CNOT1: variants seen among roughly 807,000 people sequenced by gnomAD.
The protein encoded by CNOT1 is CCR4-NOT transcription complex subunit 1.
A neutral mutation model predicts 273.8 loss-of-function variants in CNOT1; 15 were observed. The ratio of observed to expected loss-of-function variants is 0.05; its 90% CI spans 0.04 to 0.08. The LOEUF is 0.08. Ranked by LOEUF, CNOT1 falls within the 10% of genes least tolerant of loss-of-function variation. The pLI, the probability that CNOT1 is intolerant of heterozygous loss-of-function variation, is 1.00. For missense variants in CNOT1, 1,644 were observed against 2,912.2 expected, an observed-to-expected ratio of 0.56 and a Z score of 10.02; for synonymous variants, 1,022 against 1,005.5, an observed-to-expected ratio of 1.02 and a Z score of -0.31.
At chr16:58,600,337 A>T (rs1017585123) in intron 1 of CNOT1, among the ~76,000 whole-genome samples, 1 of 152,172 alleles carries the variant, frequency 6.6e-6, no homozygotes, top group Non-Finnish European at 1.5e-5. Flanking sequence ...GTCTCAAAAA[A>T]AGAAAATACT....
chr16:58,549,650 CT>C, intron 25 of CNOT1, 68 bp downstream of exon 25: 1 of 1,512,452 alleles, frequency 6.6e-7, no homozygotes, highest in Non-Finnish European at 8.8e-7. Context: ...AGCAAAAATC[CT>C]ACCTATATAA....
intron 43 of CNOT1, among the ~76,000 whole-genome samples, chr16:58,529,176 T>C (rs1398999261): frequency 1.3e-5 from 2 of 152,158 alleles, no homozygotes; most frequent in Non-Finnish European, 2.9e-5. Context: ...GACTTTATGC[T>C]CATAAATCTG....
At chr16:58,530,975 C>T (rs2039762618) in intron 42 of CNOT1, among the ~76,000 whole-genome samples, 1 of 152,062 alleles carries the variant, frequency 6.6e-6, no homozygotes, top group Admixed American at 6.5e-5. Flanking sequence ...GAACACAAAA[C>T]AGTCAACTGC....
chr16:58,580,723 A>G lies in CNOT1; in HGVS notation c.1253T>C (p.Ile418Thr). Residue 418 changes from isoleucine (I) to threonine (T), a missense_variant, in exon 12 of 49, where the codon ATC (isoleucine) becomes ACC (threonine). Physicochemically the swap from Ile to Thr is moderately conservative, Grantham distance 89. Transcript: ENST00000317147. ...FIQHSLINPEIFCFADYPCHT... is the reference protein window; with the variant it reads ...FIQHSLINPETFCFADYPCHT... ...ACAGGGATAGTCAGCAAAACAGAAG[A>G]TCTCTGGATTTATAAGGGAATGTTG... is the stretch of plus-strand genomic sequence containing the variant. The G allele has an allele frequency of 6.2e-7, 1 of 1,613,204 alleles. No individual in the cohort carries two copies. The highest frequency in any genetic ancestry group is 8.5e-7 in the Non-Finnish European group (1 of 1,179,522).
At chr16:58,523,257 A>C (rs1401525198) in intron 47 of CNOT1, 113 bp downstream of exon 47, 1 of 1,264,090 alleles carries the variant, frequency 7.9e-7, no homozygotes, top group African/African-American at 1.5e-5. Flanking sequence ...AAAAACAAAA[A>C]AAAAACCAAC....
intron 1 of CNOT1, among the ~76,000 whole-genome samples, chr16:58,617,684 T>C (rs1368353883): frequency 1.3e-5 from 2 of 152,150 alleles, no homozygotes; most frequent in African/African-American, 2.4e-5. Flanking sequence ...CCACCTTCTA[T>C]AGGATGGGCC....
intron 1 of CNOT1, among the ~76,000 whole-genome samples, chr16:58,610,981 G>A (rs2042878845): frequency 6.6e-6 from 1 of 152,138 alleles, no homozygotes; most frequent in African/African-American, 2.4e-5. Context: ...AGGTTGCAGT[G>A]AGCCGAGAGC....
intron 25 of CNOT1, chr16:58,548,362 C>A: frequency 4.9e-6 from 2 of 411,330 alleles, no homozygotes; most frequent in East Asian, 6.0e-5. Context: ...CCCATCTACT[C>A]TGTGGTACCT....
At chr16:58,545,017 TA>T (rs750008598) in intron 30 of CNOT1, among the ~76,000 whole-genome samples, 1 of 152,212 alleles carries the variant, frequency 6.6e-6, no homozygotes, top group Non-Finnish European at 1.5e-5. Context: ...TGCAGAAGGC[TA>T]AAGTGACAAG....
chr16:58,547,521 A>G lies in CNOT1; in HGVS notation c.3639+45T>C, dbSNP rs1219353271. On this transcript the variant is annotated intron_variant, in intron 26 of 48. Transcript: ENST00000317147. This position sits in a 1 kb window ranked among gnomAD's most constrained non-coding sequence, Gnocchi z 4.0. ...CAAACAGCCAATACTTGTAATCATA[A>G]TGTGCTGAAGATTCTCAATTTTTAC... 2.2e-5 allele frequency: 35 copies of G among 1,575,646 alleles called. No individual in the cohort carries two copies. Among genetic ancestry groups the G allele is most frequent in the Non-Finnish European group, 2.9e-5 (34 of 1,159,410 alleles).
chr16:58,583,758 CA>C (rs1019007776), intron 8 of CNOT1, among the ~76,000 whole-genome samples: 2 of 152,070 alleles, frequency 1.3e-5, no homozygotes, highest in African/African-American at 4.8e-5. Flanking sequence ...AGGCTGATCT[CA>C]AACTCCTGGC....
At chr16:58,558,757 T>A in intron 17 of CNOT1, 83 bp from the exon 18 acceptor site, 3 of 1,524,386 alleles carry the variant, frequency 2.0e-6, no homozygotes, top group Non-Finnish European at 2.6e-6. Flanking sequence ...ACAACAGCTC[T>A]TCATAATCTT....
chr16:58,605,801 A>G (rs957005486), intron 1 of CNOT1, among the ~76,000 whole-genome samples: 3 of 152,058 alleles, frequency 2.0e-5, no homozygotes, highest in African/African-American at 7.2e-5. Context: ...TAGGACTACA[A>G]GCGCCCGCTG....
At chr16:58,575,728 G>A (rs917669262) in intron 14 of CNOT1, among the ~76,000 whole-genome samples, 2 of 152,088 alleles carry the variant, frequency 1.3e-5, no homozygotes, top group African/African-American at 2.4e-5. Context: ...GAACCCGGGA[G>A]GCAGAGATTG....
intron 20 of CNOT1, 105 bp from the exon 21 acceptor site, chr16:58,555,642 A>G: frequency 6.5e-7 from 1 of 1,537,838 alleles, no homozygotes; most frequent in Non-Finnish European, 8.7e-7. Context: ...ATTTACCAAA[A>G]GAGCTTGAGA....
At chr16:58,523,822 TA>T (rs2151890972) in intron 46 of CNOT1, 1 of 210,532 alleles carries the variant, frequency 4.7e-6, no homozygotes, top group Admixed American at 5.3e-5. Context: ...TCTTGCTTAA[TA>T]AAAGACAGCT....
chr16:58,529,840 CAAAAAAAAAAAAAAAAAA>C (rs58854069), intron 43 of CNOT1, among the ~76,000 whole-genome samples: 1 of 69,398 alleles, frequency 1.4e-5, no homozygotes, highest in African/African-American at 5.1e-5. Flanking sequence ...GACTCTGTCT[CAAAAAAAAAAAAAAAAAA>C]AAAAAAAAAA....
At chr16:58,596,471 T>C (rs2042252221) in intron 2 of CNOT1, among the ~76,000 whole-genome samples, 2 of 152,162 alleles carry the variant, frequency 1.3e-5, no homozygotes. Flanking sequence ...TGATGTACGA[T>C]GGAGTGTCAC....
rs2040096488 is a variant in CNOT1 at position 58,541,572 on chromosome 16, G to A, written c.4729C>T (p.Arg1577Cys). Residue 1577 changes from arginine (R) to cysteine (C), a missense_variant, in exon 34 of 49, where the codon CGC becomes TGC. Physicochemically the swap from Arg to Cys is radical, Grantham distance 180 (BLOSUM62 -3). Transcript: ENST00000317147. ...KQLAVYEEFA[R>C]NVPGFLPTND... Reference sequence around the variant, plus strand: ...GTAGGTAAGAAGCCAGGAACATTGCGTGCAAACTCTTCGTAAACAGCCAAC... The same window carrying A: ...GTAGGTAAGAAGCCAGGAACATTGCATGCAAACTCTTCGTAAACAGCCAAC... 8 of 1,613,928 alleles carry A rather than the reference G, an allele frequency of 5.0e-6. No individual in the cohort carries two copies. The highest frequency in any genetic ancestry group is 2.7e-5 in the African/African-American group (2 of 74,938).
Sources: gnomAD v4.1 joint callset for allele counts (sites outside exome capture counted in the v4.1 genomes callset) on GRCh38, gnomAD v4.1.1 for gene constraint, Gnocchi (gnomAD v3.1) non-coding constraint, MANE v1.5 for transcripts, NCBI Gene and HGNC (gene_info 2026-07-23, HGNC 2026-07-21) for gene names.